IQSEC1: variants seen among roughly 807,000 people sequenced by gnomAD.
IQSEC1 encodes the protein IQ motif and SEC7 domain-containing protein 1.
In IQSEC1, 31 loss-of-function variants were observed where a neutral mutation model predicts 91.0. The ratio of observed to expected loss-of-function variants is 0.34; its 90% CI spans 0.26 to 0.46. The LOEUF (loss-of-function observed/expected upper bound fraction) is 0.46, where lower values mean the gene tolerates loss of function less well. IQSEC1 is among the 20% of genes least tolerant of loss of function. The pLI is 1.00. For missense variants in IQSEC1, 1,388 were observed against 1,575.6 expected (o/e 0.88, Z 2.02); for synonymous variants, 699 against 662.6 (o/e 1.05, Z -0.84).
intron 1 of IQSEC1, among the ~76,000 whole-genome samples, chr3:12,943,065 A>T (rs1276056260): frequency 6.6e-6 from 1 of 152,194 alleles, no homozygotes; most frequent in African/African-American, 2.4e-5. Flanking sequence ...ATTTTCTCTA[A>T]ATCTTAAAAG....
At chr3:13,210,598 C>T (rs997900844) in intron 1 of IQSEC1, among the ~76,000 whole-genome samples, 8 of 152,222 alleles carry the variant, frequency 5.3e-5, no homozygotes, top group South Asian at 4.1e-4. Flanking sequence ...TCCCAATCTA[C>T]GCAGATAAAG....
At position 12,900,789 on chromosome 3, in the gene IQSEC1, G is replaced by T. The variant is rs9818239; in HGVS notation, c.*194C>A. The T allele has an allele frequency of 1.9e-3, 2,770 of 1,448,648 alleles. 40 individuals carry two copies. In the African/African-American group the frequency reaches 0.032, roughly 17 times the overall value. The allele number at this position is 1,448,648 out of a possible 1,614,324, so 89.7% of individuals were successfully genotyped here. ...TGAGCAGAGCCCAGGGTGCCAACAA[G>T]AAATGAAATCTGGGCCTTTGTTCCA... is the stretch of plus-strand genomic sequence containing the variant. On this transcript the variant is annotated 3_prime_UTR_variant, in exon 14 of 14. Transcript: ENST00000613206.
At position 12,900,644 on chromosome 3, in the gene IQSEC1, A is replaced by T. The variant is rs773041607; in HGVS notation, c.*339T>A. 1.8e-4 allele frequency: 217 copies of T among 1,174,238 alleles called. No homozygotes were observed. The highest frequency in any genetic ancestry group is 2.2e-4 in the Non-Finnish European group (211 of 946,456). 72.7% of individuals were successfully genotyped at this position (1,174,238 alleles called of 1,614,324 possible). On this transcript the variant is annotated 3_prime_UTR_variant, in exon 14 of 14. Transcript: ENST00000613206. Reference sequence around the variant, plus strand: ...TTTTCTAGGTTGGGTTTTCATATGCATGTACATTAGGGCACAGGGAGCTGA... The same window carrying T: ...TTTTCTAGGTTGGGTTTTCATATGCTTGTACATTAGGGCACAGGGAGCTGA...
chr3:13,145,746 C>T (rs1706878612), intron 2 of IQSEC1, among the ~76,000 whole-genome samples: 1 of 134,226 alleles, frequency 7.5e-6, no homozygotes, highest in South Asian at 2.3e-4. Flanking sequence ...AGGAACAGAA[C>T]AGCAGAGGGA....
intron 1 of IQSEC1, among the ~76,000 whole-genome samples, chr3:12,986,101 C>T (rs1701719891): frequency 6.6e-6 from 1 of 152,204 alleles, no homozygotes; most frequent in African/African-American, 2.4e-5. Flanking sequence ...TGACATCTTC[C>T]ATGCTACAAA....
chr3:13,059,179 G>A (rs1704980641), intron 1 of IQSEC1, among the ~76,000 whole-genome samples: 4 of 152,132 alleles, frequency 2.6e-5, no homozygotes, highest in Admixed American at 2.6e-4. Flanking sequence ...CTCCCTGGGT[G>A]TCCCATAGGG....
At chr3:12,960,432 C>T (rs1057152347) in intron 1 of IQSEC1, 1 of 152,200 alleles carries the variant, frequency 6.6e-6, no homozygotes. Flanking sequence ...CTGGAGTGCG[C>T]ACAGCTGGGG....
At chr3:13,232,096 C>T (rs1254269904) in intron 1 of IQSEC1, among the ~76,000 whole-genome samples, 1 of 152,242 alleles carries the variant, frequency 6.6e-6, no homozygotes, top group Non-Finnish European at 1.5e-5. Context: ...ATAGTTAGGG[C>T]ACTGTACTGG....
intron 1 of IQSEC1, among the ~76,000 whole-genome samples, chr3:13,235,295 C>T (rs901338168): frequency 6.6e-6 from 1 of 152,134 alleles, no homozygotes; most frequent in Non-Finnish European, 1.5e-5. Flanking sequence ...CCCTCCCCGG[C>T]GCTGGGGTCT....
intron 2 of IQSEC1, among the ~76,000 whole-genome samples, chr3:13,097,174 C>T (rs909524921): frequency 5.3e-5 from 8 of 152,162 alleles, no homozygotes; most frequent in African/African-American, 1.9e-4. Context: ...CCTTTCTTTA[C>T]ATGGCATCCC....
At chr3:13,004,136 A>C (rs1702537225) in intron 1 of IQSEC1, among the ~76,000 whole-genome samples, 1 of 152,216 alleles carries the variant, frequency 6.6e-6, no homozygotes, top group African/African-American at 2.4e-5. Context: ...CCCTGAATGG[A>C]GAAAAAGCCC....
At chr3:13,181,047 G>A (rs1025545257) in intron 1 of IQSEC1, among the ~76,000 whole-genome samples, 2 of 152,178 alleles carry the variant, frequency 1.3e-5, no homozygotes, top group African/African-American at 2.4e-5. Context: ...TGAGGCGGGC[G>A]GATCATGAGG....
Position 12,907,896 on chromosome 3 carries a change from G to A in IQSEC1, c.2755+453C>T, listed in dbSNP as rs547838835. Among the ~76,000 whole-genome samples, 87 of 152,314 alleles carry A rather than the reference G, an allele frequency of 5.7e-4. 2 individuals carry two copies. The South Asian group carries it at 0.016, about 28-fold the overall frequency. On this transcript the variant is annotated intron_variant, in intron 12 of 13. Coordinates refer to ENST00000613206, the MANE Select transcript of IQSEC1 (RefSeq NM_001134382.3). Reference sequence around the variant, plus strand: ...CGGGTTTCCCAGGAGAGGAGGCCCCGCAGGGAAAGCAAGACCGGGGACAGT... The same window carrying A: ...CGGGTTTCCCAGGAGAGGAGGCCCCACAGGGAAAGCAAGACCGGGGACAGT...
At chr3:13,076,872 C>T (rs113520924), upstream of IQSEC1, among the ~76,000 whole-genome samples, 7 of 152,242 alleles carry the variant, frequency 4.6e-5, no homozygotes, top group South Asian at 2.1e-4. Context: ...TCTTATTCCC[C>T]GTTCCAATCT....
chr3:13,107,066 G>A (rs1706163363), intron 2 of IQSEC1, among the ~76,000 whole-genome samples: 1 of 152,220 alleles, frequency 6.6e-6, no homozygotes, highest in Non-Finnish European at 1.5e-5. Flanking sequence ...CACAAAGCTG[G>A]CAGAACCCTG....
chr3:13,073,145 T>A lies in IQSEC1; in HGVS notation c.-131A>T. The A allele has an allele frequency of 1.5e-6, 1 of 668,850 alleles. No individual in the cohort carries two copies. The highest frequency in any genetic ancestry group is 2.3e-6 in the Non-Finnish European group (1 of 427,616). 41.4% of individuals were successfully genotyped at this position (668,850 alleles called of 1,614,324 possible). A position where few individuals can be genotyped will look rare whatever the true frequency, so the allele number is the denominator to read the frequency against. ...AATTAAATCGCGGGGCGAGTCACAT[T>A]CCCGGGGGTGGCGGGCTCCTCCAGG... On this transcript the variant is annotated 5_prime_UTR_variant, in exon 1 of 14. Transcript: ENST00000613206.
chr3:12,909,338 T>A lies in IQSEC1; in HGVS notation c.2513A>T (p.Lys838Ile), dbSNP rs1695337342. 6.2e-7 allele frequency: 1 copy of A among 1,614,096 alleles called. No individual in the cohort carries two copies. The highest frequency in any genetic ancestry group is 8.5e-7 in the Non-Finnish European group (1 of 1,180,036). The change falls in exon 11 of 14, where the codon AAA becomes ATA. Residue 838 changes from lysine (K) to isoleucine (I), a missense_variant. Physicochemically the swap from Lys to Ile is moderately radical, Grantham distance 102 (BLOSUM62 -3). This residue lies in a region of IQSEC1 where 1,059 missense variants were observed against 1,317.8 expected (regional missense o/e 0.80). Transcript: ENST00000613206. This position sits in a 1 kb window ranked among gnomAD's most constrained non-coding sequence, Gnocchi z 4.9. ...GGACTCCCGCAGGTCATCGGTGAAT[T>A]TCTTCCGGTCTTGAGGGTTGGGGGC... is the stretch of plus-strand genomic sequence containing the variant. The part of the protein sequence containing the change: ...FNAPNPQDRK[K>I]FTDDLRESIA...
intron 2 of IQSEC1, among the ~76,000 whole-genome samples, chr3:13,094,277 A>C (rs754460508): frequency 6.6e-5 from 10 of 152,142 alleles, no homozygotes; most frequent in Non-Finnish European, 1.3e-4. Context: ...TCAGGCCTTG[A>C]AGGATGAGAA....
chr3:12,899,364 G>T lies in IQSEC1; in HGVS notation c.*1619C>A, dbSNP rs750813833. ...AAGGGCCTCCGCCTGGGCAGGCGCCGGGGGGCAGTCCTCGGGTCCCATGGC... is the reference window on the plus strand; with the variant it reads ...AAGGGCCTCCGCCTGGGCAGGCGCCTGGGGGCAGTCCTCGGGTCCCATGGC... On this transcript the variant is annotated 3_prime_UTR_variant, in exon 14 of 14. Transcript: ENST00000613206. The T allele has an allele frequency of 3.1e-6, 5 of 1,609,338 alleles. No homozygotes were observed. The African/African-American group carries it at 5.4e-5, about 17-fold the overall frequency.
Sources: gnomAD v4.1 joint callset for allele counts (sites outside exome capture counted in the v4.1 genomes callset) on GRCh38, gnomAD v4.1.1 for gene constraint, gnomAD v4.1.1 regional missense constraint, Gnocchi (gnomAD v3.1) non-coding constraint, MANE v1.5 for transcripts, NCBI Gene and HGNC (gene_info 2026-07-23, HGNC 2026-07-21) for gene names.